The following UBE2E3 variants were observed in gnomAD, a reference collection of about 807,000 sequenced individuals.
UBE2E3 encodes the protein ubiquitin-conjugating enzyme E2 E3.
Under a neutral mutation model 23.6 loss-of-function variants are expected in UBE2E3, and 5 were observed. That is an observed-to-expected ratio of 0.21 (90% CI 0.11 to 0.44). The LOEUF (loss-of-function observed/expected upper bound fraction) is 0.44. Among genes scored for constraint, UBE2E3 ranks in the 20% least tolerant of loss-of-function variants. UBE2E3 has a pLI of 0.99. For missense variants in UBE2E3, 81 were observed against 249.8 expected (o/e 0.32, Z 4.55); for synonymous variants, 78 against 87.5 (o/e 0.89, Z 0.60).
chr2:180,981,021 G>T (rs1266915742), intron 1 of UBE2E3, 48 bp downstream of exon 1: 1 of 146,996 alleles, frequency 6.8e-6, no homozygotes, highest in African/African-American at 2.5e-5. Flanking sequence ...CCGGGGCGGC[G>T]GCGGCGGTGG....
intron 3 of UBE2E3, among the ~76,000 whole-genome samples, chr2:181,039,252 C>A (rs1686399498): frequency 6.9e-6 from 1 of 145,718 alleles, no homozygotes; most frequent in African/African-American, 2.5e-5. Context: ...TTTGTCAAAA[C>A]TTAGCAGTGT....
chr2:181,016,567 A>G (rs942877512), intron 3 of UBE2E3, among the ~76,000 whole-genome samples: 3 of 152,172 alleles, frequency 2.0e-5, no homozygotes, highest in Admixed American at 6.5e-5. Flanking sequence ...ATAACTTGAC[A>G]ATTACCTGGC....
intron 3 of UBE2E3, among the ~76,000 whole-genome samples, chr2:181,026,142 C>T (rs879001193): frequency 2.0e-5 from 3 of 151,648 alleles, no homozygotes; most frequent in Admixed American, 2.0e-4. Context: ...TTTTAAACAG[C>T]AGGAAAAGAT....
At chr2:181,037,526 T>G (rs76715735) in intron 3 of UBE2E3, among the ~76,000 whole-genome samples, 1 of 152,084 alleles carries the variant, frequency 6.6e-6, no homozygotes, top group Non-Finnish European at 1.5e-5. Flanking sequence ...AAAAAAAGTT[T>G]AAAAAATTAA....
intron 3 of UBE2E3, among the ~76,000 whole-genome samples, chr2:181,041,686 TCAGCCTCCCAGAGTG>T (rs1686510363): frequency 1.1e-5 from 1 of 90,584 alleles, no homozygotes; most frequent in Non-Finnish European, 2.1e-5. Context: ...TCCGCCTGCC[TCAGCCTCCCAGAGTG>T]CTGGGATTGA....
intron 3 of UBE2E3, among the ~76,000 whole-genome samples, chr2:181,047,326 C>T (rs1686699623): frequency 6.6e-6 from 1 of 152,084 alleles, no homozygotes; most frequent in Non-Finnish European, 1.5e-5. Flanking sequence ...GTACTCTTTA[C>T]CTAGCCTGGC....
chr2:180,997,384 C>G (rs1336785181), intron 3 of UBE2E3, among the ~76,000 whole-genome samples: 1 of 151,268 alleles, frequency 6.6e-6, no homozygotes, highest in Non-Finnish European at 1.5e-5. Flanking sequence ...ATGACTTATT[C>G]TGTTTCTTTT....
At position 181,033,261 on chromosome 2, in the gene UBE2E3, G is replaced by C. The variant is rs180868641; in HGVS notation, c.246-24432G>C. 4.3e-4 allele frequency among the ~76,000 whole-genome samples: 66 copies of C among 152,098 alleles called. 4 individuals are homozygous for C. Among genetic ancestry groups the C allele is most frequent in the Non-Finnish European group, 7.4e-5 (5 of 68,024 alleles). On this transcript the variant is annotated intron_variant, in intron 3 of 5. Transcript: ENST00000410062. Reference sequence around the variant, plus strand: ...AAAAGAGCAAAGCTGGAGGCATCACGCTACCTGACTTCAAACTATACTACA... The same window carrying C: ...AAAAGAGCAAAGCTGGAGGCATCACCCTACCTGACTTCAAACTATACTACA...
intron 3 of UBE2E3, among the ~76,000 whole-genome samples, chr2:180,986,765 G>C (rs1389141739): frequency 6.6e-6 from 1 of 152,038 alleles, no homozygotes. Flanking sequence ...CAAAGTACAT[G>C]ACAGATTTAA....
intron 4 of UBE2E3, among the ~76,000 whole-genome samples, chr2:181,058,370 C>T (rs186955703): frequency 6.6e-6 from 1 of 151,828 alleles, no homozygotes; most frequent in Admixed American, 6.6e-5. Flanking sequence ...TTTGTTGGCT[C>T]TGAGTTCATT....
At chr2:181,042,278 G>A (rs948440196) in intron 3 of UBE2E3, among the ~76,000 whole-genome samples, 12 of 152,194 alleles carry the variant, frequency 7.9e-5, no homozygotes, top group African/African-American at 2.9e-4. Flanking sequence ...AGGGTATTGT[G>A]AAGCATCAGT....
chr2:180,989,974 A>C (rs2105573488), intron 3 of UBE2E3: 1 of 1,539,156 alleles, frequency 6.5e-7, no homozygotes, highest in South Asian at 1.2e-5. Flanking sequence ...TCAATATGAG[A>C]TAAAAACATA....
At chr2:181,060,614 T>G (rs1448391062) in intron 4 of UBE2E3, 51 bp from the exon 5 acceptor site, 2 of 1,469,030 alleles carry the variant, frequency 1.4e-6, no homozygotes, top group Non-Finnish European at 1.8e-6. Flanking sequence ...AGTGTTTTAA[T>G]TGGTAATACA....
At chr2:180,998,397 G>A (rs1335884935) in intron 3 of UBE2E3, among the ~76,000 whole-genome samples, 1 of 152,076 alleles carries the variant, frequency 6.6e-6, no homozygotes, top group Non-Finnish European at 1.5e-5. Context: ...AGGTAGTAGT[G>A]TGAGAAGCAG....
At chr2:180,983,455 C>T (rs1044947564) in intron 2 of UBE2E3, among the ~76,000 whole-genome samples, 1 of 152,136 alleles carries the variant, frequency 6.6e-6, no homozygotes, top group African/African-American at 2.4e-5. Context: ...CTCTTTCTCT[C>T]AATGTTTATT....
At chr2:181,057,899 T>A in intron 4 of UBE2E3, 74 bp downstream of exon 4, 1 of 1,432,442 alleles carries the variant, frequency 7.0e-7, no homozygotes, top group Non-Finnish European at 9.5e-7. Context: ...AACTTAAATG[T>A]GTATTGATGC....
intron 3 of UBE2E3, among the ~76,000 whole-genome samples, chr2:181,049,634 A>G (rs564188646): frequency 6.6e-6 from 1 of 152,158 alleles, no homozygotes; most frequent in East Asian, 1.9e-4. Flanking sequence ...AGTTTTGAAG[A>G]AAGACTATAT....
rs1361856755 is a variant in UBE2E3, at chr2:181,061,163, C to T, written c.526+351C>T. 6.1e-5 allele frequency among the ~76,000 whole-genome samples: 3 copies of T among 49,048 alleles called. 1 individual carries two copies. The highest frequency in any genetic ancestry group is 3.1e-4 in the African/African-American group (3 of 9,612). The allele number at this position is 49,048 out of a possible 152,430, so 32.2% of individuals were successfully genotyped here. A position where few individuals can be genotyped will look rare whatever the true frequency, so the allele number is the denominator to read the frequency against. ...CGGAGTCTCGCTCTGTCGCCCAGGC[C>T]GGACTGCGGACTGCAGTGGCGCAAT... On this transcript the variant is annotated intron_variant, in intron 5 of 5. Transcript: ENST00000410062.
rs1686108336 is a variant in UBE2E3 at position 181,032,306 on chromosome 2, T to G, written c.246-25387T>G. Among the ~76,000 whole-genome samples the G allele has an allele frequency of 2.6e-5, 4 of 152,210 alleles. 1 individual carries two copies. The South Asian group carries it at 8.3e-4, about 32-fold the overall frequency. On this transcript the variant is annotated intron_variant, in intron 3 of 5. Coordinates refer to ENST00000410062, the MANE Select transcript of UBE2E3 (RefSeq NM_006357.4). Reference sequence around the variant, plus strand: ...GCATAAAATAACGTGTATCCAACATTAATTTTTAATCGGTAATATTTTTTT... The same window carrying G: ...GCATAAAATAACGTGTATCCAACATGAATTTTTAATCGGTAATATTTTTTT...
Sources: gnomAD v4.1 joint callset for allele counts (sites outside exome capture counted in the v4.1 genomes callset) on GRCh38, gnomAD v4.1.1 for gene constraint, MANE v1.5 for transcripts, NCBI Gene and HGNC (gene_info 2026-07-23, HGNC 2026-07-21) for gene names.